Variants in SCARB1 observed in about 807,000 individuals in gnomAD.
SCARB1 encodes CD36 and LIMPII analogous 1.
A neutral mutation model predicts 57.2 loss-of-function variants in SCARB1; 30 were observed. The ratio of observed to expected loss-of-function variants is 0.52; its 90% CI spans 0.39 to 0.71. The LOEUF is 0.71. SCARB1 is among the 30% of genes least tolerant of loss of function. The pLI, the probability that SCARB1 is intolerant of heterozygous loss-of-function variation, is 0.00. For synonymous variants in SCARB1, 249 were observed against 268.3 expected, an observed-to-expected ratio of 0.93 and a Z score of 0.70; for missense variants, 543 against 671.2, an observed-to-expected ratio of 0.81 and a Z score of 2.11.
In SCARB1 at chr12:124,817,377, A is replaced by AAC. The variant is rs1372114309; in HGVS notation, c.284+172_284+173insGT. 1.3e-5 allele frequency among the ~76,000 whole-genome samples: 2 copies of AAC among 150,286 alleles called. No homozygotes were observed. The highest frequency in any genetic ancestry group is 1.9e-4 in the East Asian group (1 of 5,164). ...CTAAAAAAAAAAAAAAAAAAAAAAA[A>AAC]AACCCTAAAACAAAAACTTCTCTGG... On this transcript the variant is annotated intron_variant, in intron 2 of 12. Transcript: ENST00000261693. This position sits in a 1 kb window ranked among gnomAD's most constrained non-coding sequence, Gnocchi z 4.8.
At chr12:124,780,035 C>A (rs554323847) in intron 12 of SCARB1, among the ~76,000 whole-genome samples, 7 of 152,220 alleles carry the variant, frequency 4.6e-5, no homozygotes, top group Non-Finnish European at 8.8e-5. Context: ...TGTAAAAGAA[C>A]CCCTTGTCTT....
In SCARB1 at chr12:124,863,826, G is replaced by T; in HGVS notation, c.-106C>A. 1 of 1,303,212 alleles carries T rather than the reference G, an allele frequency of 7.7e-7. No individual in the cohort carries two copies. Among genetic ancestry groups the T allele is most frequent in the Non-Finnish European group, 9.9e-7 (1 of 1,012,230 alleles). The allele number at this position is 1,303,212 out of a possible 1,614,324, so 80.7% of individuals were successfully genotyped here. A position where few individuals can be genotyped will look rare whatever the true frequency, so the allele number is the denominator to read the frequency against. On this transcript the variant is annotated 5_prime_UTR_variant, in exon 1 of 13. Transcript: ENST00000261693. Reference sequence around the variant, plus strand: ...GGCGGGGACTCCGGGCACGCAGGCCGCAGAGGCACGGTGGATCCGGGACGG... The same window carrying T: ...GGCGGGGACTCCGGGCACGCAGGCCTCAGAGGCACGGTGGATCCGGGACGG...
chr12:124,792,636 C>T (rs532044713), intron 9 of SCARB1, among the ~76,000 whole-genome samples: 1 of 148,036 alleles, frequency 6.8e-6, no homozygotes, highest in African/African-American at 2.5e-5. Flanking sequence ...GCAGGAGAAT[C>T]GCTGGAACCC....
intron 7 of SCARB1, among the ~76,000 whole-genome samples, chr12:124,806,269 G>A (rs1950320596): frequency 6.6e-6 from 1 of 152,088 alleles, no homozygotes; most frequent in South Asian, 2.1e-4. Flanking sequence ...AAGCCATCTG[G>A]GCTTGTTGAC....
chr12:124,800,838 A>T lies in SCARB1; in HGVS notation c.1010-596T>A, dbSNP rs140167730. Among the ~76,000 whole-genome samples the T allele has an allele frequency of 5.9e-5, 9 of 152,252 alleles. No individual in the cohort carries two copies. In the East Asian group the frequency reaches 1.7e-3, roughly 29 times the overall value. On this transcript the variant is annotated intron_variant, in intron 7 of 12. Transcript: ENST00000261693. The surrounding 1 kb of genome is among the most constrained non-coding windows in gnomAD (Gnocchi z 4.8). Reference sequence around the variant, plus strand: ...CACTGACCAACCAAACCAGGCAAACACCAGCTCACCCTCGGGACAATGGAC... The same window carrying T: ...CACTGACCAACCAAACCAGGCAAACTCCAGCTCACCCTCGGGACAATGGAC...
At chr12:124,785,047 G>A (rs1251913498) in intron 11 of SCARB1, 1 of 152,346 alleles carries the variant, frequency 6.6e-6, no homozygotes, top group Non-Finnish European at 1.5e-5. Flanking sequence ...TCTTCCTGCT[G>A]CTTCTGGAGG....
intron 1 of SCARB1, among the ~76,000 whole-genome samples, chr12:124,842,587 T>TGGGCCTG (rs1319080051): frequency 2.0e-5 from 3 of 152,178 alleles, no homozygotes; most frequent in Non-Finnish European, 4.4e-5. Context: ...AGCCACAGAT[T>TGGGCCTG]ACAGCTGTCA....
At chr12:124,823,233 G>A (rs1951011348) in intron 1 of SCARB1, among the ~76,000 whole-genome samples, 1 of 152,114 alleles carries the variant, frequency 6.6e-6, no homozygotes, top group Non-Finnish European at 1.5e-5. Context: ...TTATATGTGG[G>A]CTTTTCTATA....
intron 1 of SCARB1, among the ~76,000 whole-genome samples, chr12:124,844,229 A>C (rs550810168): frequency 6.6e-6 from 1 of 152,274 alleles, no homozygotes; most frequent in East Asian, 1.9e-4. Context: ...ACACATAGGA[A>C]CACGGATAGA....
chr12:124,800,681 C>A lies in SCARB1; in HGVS notation c.1010-439G>T, dbSNP rs1018335748. 6.6e-5 allele frequency among the ~76,000 whole-genome samples: 10 copies of A among 152,182 alleles called. No individual in the cohort carries two copies. The highest frequency in any genetic ancestry group is 1.5e-4 in the Non-Finnish European group (10 of 68,024). ...GGAGTCTCAAGCGCAAGCCAAGCAG[C>A]CCACACTGTCCCCTGCAGGACACGC... On this transcript the variant is annotated intron_variant, in intron 7 of 12. Coordinates refer to ENST00000261693, the MANE Select transcript of SCARB1 (RefSeq NM_005505.5). The surrounding 1 kb of genome is among the most constrained non-coding windows in gnomAD (Gnocchi z 4.8).
At chr12:124,860,589 A>C (rs1952855969) in intron 1 of SCARB1, among the ~76,000 whole-genome samples, 1 of 152,276 alleles carries the variant, frequency 6.6e-6, no homozygotes. Flanking sequence ...GGGTGGATGC[A>C]GCAACAGAGC....
chr12:124,861,411 G>A (rs898930729), intron 1 of SCARB1, among the ~76,000 whole-genome samples: 3 of 151,922 alleles, frequency 2.0e-5, no homozygotes, highest in East Asian at 1.9e-4. Flanking sequence ...TTGAATCCAC[G>A]GATGCAGAAC....
At position 124,822,329 on chromosome 12, in the gene SCARB1, C is replaced by T. The variant is rs1353937437; in HGVS notation, c.127-4622G>A. On this transcript the variant is annotated intron_variant, in intron 1 of 12. Transcript: ENST00000261693. The surrounding 1 kb of genome is among the most constrained non-coding windows in gnomAD (Gnocchi z 5.0). Reference sequence around the variant, plus strand: ...CACATATCCACACAATGGAATGCTACCTGGCAATCAAAAAGAACCAACCAT... The same window carrying T: ...CACATATCCACACAATGGAATGCTATCTGGCAATCAAAAAGAACCAACCAT... 2.0e-5 allele frequency among the ~76,000 whole-genome samples: 3 copies of T among 152,150 alleles called. No individual in the cohort carries two copies. The highest frequency in any genetic ancestry group is 7.2e-5 in the African/African-American group (3 of 41,420).
intron 1 of SCARB1, among the ~76,000 whole-genome samples, chr12:124,828,309 G>A (rs547285164): frequency 1.3e-5 from 2 of 151,900 alleles, no homozygotes; most frequent in South Asian, 2.1e-4. Flanking sequence ...CACCCCGCTC[G>A]CCCAGGTGCC....
chr12:124,821,009 G>A (rs1214512627), intron 1 of SCARB1, among the ~76,000 whole-genome samples: 4 of 152,098 alleles, frequency 2.6e-5, no homozygotes, highest in Admixed American at 6.6e-5. Flanking sequence ...TTGAGGGGCC[G>A]AGGCAGGCAG....
At chr12:124,795,429 G>T (rs200383099) in intron 8 of SCARB1, among the ~76,000 whole-genome samples, 161 bp from the exon 9 acceptor site, 2,371 of 151,868 alleles carry the variant, frequency 0.016, 55 homozygotes, top group African/African-American at 0.054. Context: ...GCTGGGGGGG[G>T]TCAACAGTTC....
chr12:124,806,616 C>T (rs892604269), intron 7 of SCARB1, among the ~76,000 whole-genome samples: 12 of 152,286 alleles, frequency 7.9e-5, no homozygotes, highest in South Asian at 6.2e-4. Flanking sequence ...GAAATTGGGC[C>T]GGGCACAGTG....
At chr12:124,793,692 CAAAA>C (rs71092224) in intron 9 of SCARB1, among the ~76,000 whole-genome samples, 4 of 51,534 alleles carry the variant, frequency 7.8e-5, no homozygotes, top group African/African-American at 1.2e-4. Context: ...GACTCCGTCT[CAAAA>C]AAAAAAAAAA....
chr12:124,831,094 G>GC (rs999679358), intron 1 of SCARB1, among the ~76,000 whole-genome samples: 38 of 152,042 alleles, frequency 2.5e-4, no homozygotes, highest in African/African-American at 8.2e-4. Context: ...TCCTGCCTCA[G>GC]CCCCCCAAGT....
Sources: allele counts gnomAD v4.1 joint callset (sites outside exome capture counted in the v4.1 genomes callset), GRCh38; gene constraint gnomAD v4.1.1; non-coding constraint Gnocchi (gnomAD v3.1); transcripts MANE v1.5; gene names NCBI Gene and HGNC (gene_info 2026-07-23, HGNC 2026-07-21).